Variants in NEO1 observed in about 807,000 individuals in gnomAD.
NEO1 encodes the protein neogenin.
Under a neutral mutation model 159.7 loss-of-function variants are expected in NEO1, and 63 were observed. That is an observed-to-expected ratio of 0.39 (90% CI 0.32 to 0.49). The LOEUF (loss-of-function observed/expected upper bound fraction) is 0.49, where lower values mean the gene tolerates loss of function less well. Ranked by LOEUF, NEO1 falls within the 20% of genes least tolerant of loss-of-function variation. The pLI is 0.85. For synonymous variants in NEO1, 633 were observed against 662.0 expected (o/e 0.96, Z 0.67); for missense variants, 1,615 against 1,831.0 (o/e 0.88, Z 2.15).
At chr15:73,109,788 T>A (rs1466326720) in intron 1 of NEO1, among the ~76,000 whole-genome samples, 5 of 152,162 alleles carry the variant, frequency 3.3e-5, no homozygotes, top group Admixed American at 3.3e-4. Flanking sequence ...TATATGTTTA[T>A]CAGACAATTA....
chr15:73,063,357 G>T (rs1043921154), intron 1 of NEO1, among the ~76,000 whole-genome samples: 1 of 151,960 alleles, frequency 6.6e-6, no homozygotes, highest in African/African-American at 2.4e-5. Flanking sequence ...TTAGAACAAA[G>T]CCTGGCTTAT....
At chr15:73,258,745 T>G in intron 13 of NEO1, 21 bp from the exon 14 acceptor site, 7 of 1,594,210 alleles carry the variant, frequency 4.4e-6, no homozygotes, top group Non-Finnish European at 6.0e-6. Context: ...TTCAGTTGTC[T>G]TCTTTGTCAT....
chr15:73,225,661 C>T (rs1476936456), intron 7 of NEO1, among the ~76,000 whole-genome samples: 2 of 152,102 alleles, frequency 1.3e-5, no homozygotes, highest in Admixed American at 6.5e-5. Flanking sequence ...CTAACAGCCC[C>T]GAGTCTGCCA....
chr15:73,168,391 G>GT (rs2049644649), intron 5 of NEO1, among the ~76,000 whole-genome samples: 1 of 87,818 alleles, frequency 1.1e-5, no homozygotes, highest in Non-Finnish European at 2.5e-5. Context: ...GGGGGGGGGG[G>GT]TCTCACCATG....
intron 2 of NEO1, among the ~76,000 whole-genome samples, chr15:73,121,443 C>G (rs2071639799): frequency 6.6e-6 from 1 of 152,132 alleles, no homozygotes; most frequent in Admixed American, 6.6e-5. Flanking sequence ...ATATTTTGTT[C>G]TGTTGCTGGT....
At chr15:73,203,684 T>C (rs533594781) in intron 7 of NEO1, among the ~76,000 whole-genome samples, 1 of 152,252 alleles carries the variant, frequency 6.6e-6, no homozygotes, top group East Asian at 1.9e-4. Context: ...TTAACTAACC[T>C]AGGTTCTTAA....
chr15:73,060,878 A>G (rs941926280), intron 1 of NEO1, among the ~76,000 whole-genome samples: 9 of 150,304 alleles, frequency 6.0e-5, no homozygotes, highest in African/African-American at 1.7e-4. Context: ...TCAAACTCCT[A>G]GACTCAAGCA....
chr15:73,087,555 A>C (rs2069433240), intron 1 of NEO1, among the ~76,000 whole-genome samples: 1 of 152,110 alleles, frequency 6.6e-6, no homozygotes, highest in South Asian at 2.1e-4. Flanking sequence ...TATTTTCTGG[A>C]AAAGATCATG....
At position 73,063,556 on chromosome 15, in the gene NEO1, T is replaced by C. The variant is rs575879698; in HGVS notation, c.130+10751T>C. Among the ~76,000 whole-genome samples, 28 of 152,294 alleles carry C rather than the reference T, an allele frequency of 1.8e-4. 1 individual carries two copies. Among genetic ancestry groups the C allele is most frequent in the Admixed American group, 1.4e-3 (21 of 15,294 alleles). On this transcript the variant is annotated intron_variant, in intron 1 of 28. Transcript: ENST00000261908. ...ATAAGGATTTGTTTAGTTTGGGATA[T>C]TCAGCTAAGTTTCTTAAGACTTGAG...
At chr15:73,280,916 T>C (rs573144025) in intron 22 of NEO1, among the ~76,000 whole-genome samples, 2 of 151,866 alleles carry the variant, frequency 1.3e-5, no homozygotes, top group African/African-American at 4.8e-5. Context: ...GATTAGAACA[T>C]AAATTTGGGC....
At chr15:73,271,154 C>T (rs489873) in intron 18 of NEO1, among the ~76,000 whole-genome samples, 133,418 of 152,240 alleles carry the variant, frequency 0.88, 59,042 homozygotes, top group Admixed American at 0.94. Context: ...GCACAGTTCA[C>T]TGGACTTTGT....
At chr15:73,080,995 T>C (rs2069017077) in intron 1 of NEO1, among the ~76,000 whole-genome samples, 1 of 152,242 alleles carries the variant, frequency 6.6e-6, no homozygotes. Flanking sequence ...TTTAGAATTA[T>C]TGAAAAATTT....
At chr15:73,178,594 CT>C (rs2035415565) in intron 7 of NEO1, among the ~76,000 whole-genome samples, 167 bp downstream of exon 7, 1 of 151,976 alleles carries the variant, frequency 6.6e-6, no homozygotes, top group Non-Finnish European at 1.5e-5. Context: ...ATAAAATTAC[CT>C]AGAAGCACAA....
chr15:73,230,625 C>T (rs1335938815), intron 7 of NEO1, among the ~76,000 whole-genome samples: 2 of 152,186 alleles, frequency 1.3e-5, no homozygotes, highest in Non-Finnish European at 2.9e-5. Context: ...CAGAGTCTCA[C>T]AATCACCCAG....
rs141997538 is a variant in NEO1, at chr15:73,274,247, G to A, written c.3160+242G>A. Among the ~76,000 whole-genome samples the A allele has an allele frequency of 7.9e-5, 12 of 152,234 alleles. No homozygotes were observed. In the East Asian group the frequency reaches 2.3e-3, roughly 29 times the overall value. On this transcript the variant is annotated intron_variant, in intron 20 of 28. Transcript: ENST00000261908. Reference sequence around the variant, plus strand: ...GAGGACACTGGTTCCAGGCTATTTGGGGCAGATCAATTGCAGTGATCTAAA... The same window carrying A: ...GAGGACACTGGTTCCAGGCTATTTGAGGCAGATCAATTGCAGTGATCTAAA...
At chr15:73,197,842 G>A (rs2036625801) in intron 7 of NEO1, among the ~76,000 whole-genome samples, 1 of 151,780 alleles carries the variant, frequency 6.6e-6, no homozygotes, top group African/African-American at 2.4e-5. Context: ...TACCATGCCT[G>A]GCTAATTTTT....
intron 16 of NEO1, among the ~76,000 whole-genome samples, chr15:73,266,962 TA>T (rs2040930704): frequency 6.6e-6 from 1 of 152,188 alleles, no homozygotes; most frequent in African/African-American, 2.4e-5. Context: ...ATTATCTACT[TA>T]AAATATCTCT....
At chr15:73,073,270 C>G (rs1364656508) in intron 1 of NEO1, among the ~76,000 whole-genome samples, 1 of 152,114 alleles carries the variant, frequency 6.6e-6, no homozygotes, top group East Asian at 1.9e-4. Flanking sequence ...ATTGGAGAGT[C>G]TTTTGCATTT....
At chr15:73,301,294 A>C (rs754079618) in intron 27 of NEO1, 27 bp from the exon 28 acceptor site, 1 of 1,613,796 alleles carries the variant, frequency 6.2e-7, no homozygotes, top group Non-Finnish European at 8.5e-7. Flanking sequence ...GCTTGGCCAC[A>C]TATCTGATGG....
Sources: allele counts gnomAD v4.1 joint callset (sites outside exome capture counted in the v4.1 genomes callset), GRCh38; gene constraint gnomAD v4.1.1; transcripts MANE v1.5; gene names NCBI Gene and HGNC (gene_info 2026-07-23, HGNC 2026-07-21).